AGK: variants seen among roughly 807,000 people sequenced by gnomAD.
AGK encodes acylglycerol kinase, mitochondrial.
In AGK, 52 loss-of-function variants were observed where a neutral mutation model predicts 66.4. The observed-to-expected ratio is 0.78, with a 90% CI of 0.63 to 0.99. AGK has a LOEUF of 0.99. AGK is among the 50% of genes least tolerant of loss of function. AGK has a pLI of 0.00. For missense variants in AGK, 451 were observed against 506.6 expected, an observed-to-expected ratio of 0.89 and a Z score of 1.05; for synonymous variants, 182 against 181.1, an observed-to-expected ratio of 1.00 and a Z score of -0.04.
chr7:141,651,461 C>A (rs934471577), intron 14 of AGK, 64 bp from the exon 15 acceptor site: 2 of 1,393,252 alleles, frequency 1.4e-6, no homozygotes, highest in African/African-American at 2.8e-5. Context: ...GAAGTTGCTA[C>A]ATTGTTGCAA....
chr7:141,643,199 C>T (rs755895513), intron 13 of AGK, among the ~76,000 whole-genome samples: 4 of 152,070 alleles, frequency 2.6e-5, no homozygotes, highest in Non-Finnish European at 4.4e-5. Flanking sequence ...AAACATAGCT[C>T]CCTTCACCCT....
At chr7:141,561,744 C>T (rs1004750114) in intron 2 of AGK, among the ~76,000 whole-genome samples, 2 of 151,896 alleles carry the variant, frequency 1.3e-5, no homozygotes, top group African/African-American at 4.8e-5. Context: ...TGCAACTTTC[C>T]CTACTGTGTC....
chr7:141,640,693 A>G (rs1797268737), intron 11 of AGK, among the ~76,000 whole-genome samples: 1 of 152,144 alleles, frequency 6.6e-6, no homozygotes, highest in African/African-American at 2.4e-5. Flanking sequence ...TTATTCATTC[A>G]TGCGGTCAGG....
At chr7:141,621,894 TA>T in intron 9 of AGK, 93 bp downstream of exon 9, 1 of 913,764 alleles carries the variant, frequency 1.1e-6, no homozygotes. Context: ...AATGAGGTTA[TA>T]ATGAAAACAA....
At chr7:141,601,023 G>A (rs1466098056) in intron 4 of AGK, among the ~76,000 whole-genome samples, 182 bp from the exon 5 acceptor site, 1 of 152,074 alleles carries the variant, frequency 6.6e-6, no homozygotes, top group Non-Finnish European at 1.5e-5. Context: ...CAGAGTTTAA[G>A]GTTCTATTTT....
intron 1 of AGK, among the ~76,000 whole-genome samples, chr7:141,552,086 C>G (rs147316501): frequency 0.012 from 1,846 of 152,272 alleles, 46 homozygotes; most frequent in African/African-American, 0.041. Flanking sequence ...AATGGACCAC[C>G]AACTGCTGCC....
intron 9 of AGK, among the ~76,000 whole-genome samples, chr7:141,624,361 A>G (rs541874050): frequency 4.6e-5 from 7 of 152,328 alleles, no homozygotes; most frequent in Non-Finnish European, 7.4e-5. Flanking sequence ...GTGTGGGCCT[A>G]TAGTCCCAGT....
chr7:141,628,132 G>A (rs367733479), intron 9 of AGK, among the ~76,000 whole-genome samples: 20 of 152,192 alleles, frequency 1.3e-4, no homozygotes, highest in East Asian at 7.7e-4. Flanking sequence ...CACCCACCTC[G>A]GCCTCTCAAA....
At chr7:141,619,536 G>A (rs1796779037) in intron 8 of AGK, among the ~76,000 whole-genome samples, 1 of 151,848 alleles carries the variant, frequency 6.6e-6, no homozygotes, top group South Asian at 2.1e-4. Flanking sequence ...CTAAAAATTA[G>A]CATCAAATGG....
intron 2 of AGK, among the ~76,000 whole-genome samples, chr7:141,556,053 G>C (rs895243376): frequency 6.6e-6 from 1 of 152,302 alleles, no homozygotes; most frequent in South Asian, 2.1e-4. Context: ...ATCAATATAC[G>C]TAAGATGAAC....
chr7:141,573,374 T>C (rs1404504153), intron 2 of AGK, among the ~76,000 whole-genome samples: 1 of 152,220 alleles, frequency 6.6e-6, no homozygotes, highest in African/African-American at 2.4e-5. Flanking sequence ...AAAAAATCTA[T>C]ATATTTATTT....
intron 9 of AGK, among the ~76,000 whole-genome samples, chr7:141,627,529 A>G (rs1796965390): frequency 6.6e-6 from 1 of 152,140 alleles, no homozygotes; most frequent in African/African-American, 2.4e-5. Flanking sequence ...CTCTATGTAT[A>G]TTTACAACTG....
At chr7:141,627,372 G>A (rs1796961344) in intron 9 of AGK, among the ~76,000 whole-genome samples, 1 of 152,044 alleles carries the variant, frequency 6.6e-6, no homozygotes, top group African/African-American at 2.4e-5. Context: ...CATGTTCTTA[G>A]ATTTGGCCTT....
chr7:141,613,819 A>G (rs796759825), intron 6 of AGK, among the ~76,000 whole-genome samples: 4 of 152,196 alleles, frequency 2.6e-5, no homozygotes, highest in South Asian at 4.1e-4. Context: ...GTGGTAAACT[A>G]GGGTTTTCTG....
intron 2 of AGK, among the ~76,000 whole-genome samples, chr7:141,562,942 CAG>C (rs1160379496): frequency 2.6e-5 from 4 of 152,210 alleles, no homozygotes; most frequent in Non-Finnish European, 5.9e-5. Flanking sequence ...TTTTATTTCA[CAG>C]AGTTTCCTAA....
At chr7:141,572,988 C>T (rs1587075114) in intron 2 of AGK, among the ~76,000 whole-genome samples, 1 of 152,202 alleles carries the variant, frequency 6.6e-6, no homozygotes. Flanking sequence ...TAGACTCTGA[C>T]TTTGCAGTCA....
intron 9 of AGK, among the ~76,000 whole-genome samples, chr7:141,628,264 A>G (rs1455402083): frequency 6.6e-6 from 1 of 152,216 alleles, no homozygotes; most frequent in Non-Finnish European, 1.5e-5. Flanking sequence ...ACCAGTATCA[A>G]ATTTACCACA....
intron 2 of AGK, among the ~76,000 whole-genome samples, chr7:141,574,935 G>T (rs1041452341): frequency 2.0e-5 from 3 of 152,146 alleles, no homozygotes; most frequent in Non-Finnish European, 4.4e-5. Flanking sequence ...AGGTTATTAG[G>T]TTATTTAGGT....
intron 2 of AGK, among the ~76,000 whole-genome samples, chr7:141,557,684 A>G (rs1333152625): frequency 6.6e-6 from 1 of 152,240 alleles, no homozygotes; most frequent in African/African-American, 2.4e-5. Flanking sequence ...AGCTTGAGCC[A>G]GAAGTGTGGT....
Sources: allele counts gnomAD v4.1 joint callset (sites outside exome capture counted in the v4.1 genomes callset), GRCh38; gene constraint gnomAD v4.1.1; transcripts MANE v1.5; gene names NCBI Gene and HGNC (gene_info 2026-07-23, HGNC 2026-07-21).